Variants in NOL4 observed in about 807,000 individuals in gnomAD.
NOL4 encodes nucleolar protein 4, also known as cancer/testis antigen 125.
A neutral mutation model predicts 75.9 loss-of-function variants in NOL4; 17 were observed. That is an observed-to-expected ratio of 0.22 (90% CI 0.15 to 0.34). The LOEUF is 0.34. Among genes scored for constraint, NOL4 ranks in the 10% least tolerant of loss-of-function variants. The probability of loss-of-function intolerance (pLI) is 1.00; values close to 1 mark genes in which losing one functional copy is unlikely to be tolerated. For synonymous variants in NOL4, 292 were observed against 289.9 expected, an observed-to-expected ratio of 1.01 and a Z score of -0.07; for missense variants, 614 against 793.5, an observed-to-expected ratio of 0.77 and a Z score of 2.72.
chr18:33,923,082 G>T (rs2067132839), intron 9 of NOL4, among the ~76,000 whole-genome samples: 1 of 152,128 alleles, frequency 6.6e-6, no homozygotes, highest in African/African-American at 2.4e-5. Flanking sequence ...ACAACTGAAT[G>T]ACAAAATACA....
intron 9 of NOL4, among the ~76,000 whole-genome samples, chr18:33,906,631 T>C (rs1186308658): frequency 1.3e-5 from 2 of 152,260 alleles, no homozygotes; most frequent in Non-Finnish European, 2.9e-5. Context: ...TAATTTTTAA[T>C]GTAATTTGCA....
intron 5 of NOL4, among the ~76,000 whole-genome samples, chr18:34,041,835 T>C (rs557156881): frequency 1.5e-4 from 23 of 152,072 alleles, no homozygotes; most frequent in African/African-American, 4.8e-4. Flanking sequence ...TTTAGCCATA[T>C]TGTAATGTTG....
intron 5 of NOL4, among the ~76,000 whole-genome samples, chr18:34,062,454 A>T (rs2145146010): frequency 6.6e-6 from 1 of 152,222 alleles, no homozygotes; most frequent in Middle Eastern, 3.4e-3. Flanking sequence ...AAGGAGGGGA[A>T]GTTGCCGAAC....
intron 1 of NOL4, among the ~76,000 whole-genome samples, chr18:34,196,286 G>A (rs1262318784): frequency 1.3e-5 from 2 of 152,042 alleles, no homozygotes; most frequent in East Asian, 1.9e-4. Flanking sequence ...CAGTCAACTA[G>A]CTTACAAAGA....
chr18:34,142,826 CTAAA>C (rs1012711981), intron 1 of NOL4, among the ~76,000 whole-genome samples: 2 of 151,874 alleles, frequency 1.3e-5, no homozygotes, highest in African/African-American at 4.8e-5. Context: ...TACTTAAAGT[CTAAA>C]TAAATAAATA....
At chr18:34,120,637 A>G (rs938754961) in intron 2 of NOL4, among the ~76,000 whole-genome samples, 2 of 152,238 alleles carry the variant, frequency 1.3e-5, no homozygotes, top group Non-Finnish European at 2.9e-5. Flanking sequence ...GATAAAAACA[A>G]TTTGGAGATT....
intron 9 of NOL4, among the ~76,000 whole-genome samples, chr18:33,938,415 C>T (rs8093281): frequency 0.31 from 47,199 of 151,946 alleles, 7,673 homozygotes; most frequent in Non-Finnish European, 0.36. Context: ...AAAAGCATTG[C>T]TATTTCTCCA....
intron 5 of NOL4, among the ~76,000 whole-genome samples, chr18:34,089,915 T>C (rs2078428782): frequency 1.3e-5 from 2 of 150,846 alleles, no homozygotes; most frequent in African/African-American, 4.9e-5. Flanking sequence ...GTCCCATGCC[T>C]TTTTTTTTCT....
At chr18:33,947,732 A>T (rs765506786) in intron 8 of NOL4, among the ~76,000 whole-genome samples, 5 of 151,810 alleles carry the variant, frequency 3.3e-5, no homozygotes, top group Non-Finnish European at 7.4e-5. Flanking sequence ...TCTCTTCATA[A>T]TTAACTGACA....
rs941188700 is a variant in NOL4, at chr18:34,130,135, A to G, written c.265-115T>C. 2.8e-5 allele frequency: 27 copies of G among 964,384 alleles called. No individual in the cohort carries two copies. The African/African-American group carries it at 3.5e-4, about 13-fold the overall frequency. 59.7% of individuals were successfully genotyped at this position (964,384 alleles called of 1,614,324 possible). A position where few individuals can be genotyped will look rare whatever the true frequency, so the allele number is the denominator to read the frequency against. ...ATAACCTCAACAAAATCATCTATAT[A>G]GGAAACGTCAAAAATTCATGAATGA... On this transcript the variant is annotated intron_variant, in intron 1 of 10. Transcript: ENST00000261592.
At chr18:33,873,174 G>A (rs548242710) in intron 10 of NOL4, among the ~76,000 whole-genome samples, 40 of 152,090 alleles carry the variant, frequency 2.6e-4, no homozygotes, top group African/African-American at 9.4e-4. Context: ...GTGGGGGATT[G>A]CTTAGCTTCT....
chr18:33,905,737 G>C (rs191155877), intron 9 of NOL4, among the ~76,000 whole-genome samples: 1 of 152,248 alleles, frequency 6.6e-6, no homozygotes, highest in East Asian at 1.9e-4. Context: ...GCACCCAGAA[G>C]TTCCATGCTT....
intron 1 of NOL4, chr18:34,222,357 G>A: frequency 8.0e-7 from 1 of 1,249,970 alleles, no homozygotes; most frequent in Non-Finnish European, 1.0e-6. Flanking sequence ...GGGGCGGGGA[G>A]GAGGAATCTC....
At chr18:34,043,407 G>A (rs12327165) in intron 5 of NOL4, among the ~76,000 whole-genome samples, 65,464 of 151,554 alleles carry the variant, frequency 0.43, 14,581 homozygotes, top group South Asian at 0.52. Context: ...TGAGATAACC[G>A]ACTATGACCA....
intron 5 of NOL4, among the ~76,000 whole-genome samples, chr18:34,086,797 T>C (rs1435237820): frequency 6.6e-6 from 1 of 152,132 alleles, no homozygotes; most frequent in Admixed American, 6.6e-5. Flanking sequence ...GCAGTGTTCA[T>C]ATACATAAGA....
chr18:34,160,190 A>T (rs2031245143), intron 1 of NOL4, among the ~76,000 whole-genome samples: 2 of 152,334 alleles, frequency 1.3e-5, no homozygotes, highest in South Asian at 4.1e-4. Context: ...GTTCAGCTGT[A>T]GACAAAGAAA....
chr18:34,068,062 G>C (rs2077356022), intron 5 of NOL4, among the ~76,000 whole-genome samples: 2 of 152,132 alleles, frequency 1.3e-5, no homozygotes, highest in Non-Finnish European at 2.9e-5. Context: ...AAGAAAATGA[G>C]AAAGAAAAGC....
At chr18:34,178,153 T>C (rs1486005179) in intron 1 of NOL4, among the ~76,000 whole-genome samples, 1 of 151,754 alleles carries the variant, frequency 6.6e-6, no homozygotes, top group Admixed American at 6.6e-5. Flanking sequence ...ACTATTGATA[T>C]TATGTTGGTA....
intron 8 of NOL4, among the ~76,000 whole-genome samples, chr18:33,946,468 T>C (rs572184340): frequency 6.6e-6 from 1 of 151,896 alleles, no homozygotes; most frequent in East Asian, 1.9e-4. Context: ...CTCACAATTA[T>C]GCAGCGATGT....
Sources: allele counts gnomAD v4.1 joint callset (sites outside exome capture counted in the v4.1 genomes callset), GRCh38; gene constraint gnomAD v4.1.1; transcripts MANE v1.5; gene names NCBI Gene and HGNC (gene_info 2026-07-23, HGNC 2026-07-21).